Variants in ZNF215 observed in about 807,000 individuals in gnomAD.
The protein encoded by ZNF215 is BWSCR2-associated zinc finger protein 2.
Under a neutral mutation model 27.2 loss-of-function variants are expected in ZNF215, and 24 were observed. That is an observed-to-expected ratio of 0.88 (90% confidence interval 0.64 to 1.24). The LOEUF (loss-of-function observed/expected upper bound fraction) is 1.24. ZNF215 is among the 50% of genes most tolerant of loss of function. The pLI is 0.00. For missense variants in ZNF215, 675 were observed against 605.7 expected, an observed-to-expected ratio of 1.11 and a Z score of -1.20; for synonymous variants, 210 against 204.0, an observed-to-expected ratio of 1.03 and a Z score of -0.25.
intron 5 of ZNF215, among the ~76,000 whole-genome samples, chr11:6,983,928 T>C (rs932770236): frequency 6.6e-6 from 1 of 152,172 alleles, no homozygotes; most frequent in African/African-American, 2.4e-5. Context: ...GCTTATCTAA[T>C]ATTTAAAGAA....
intron 6 of ZNF215, among the ~76,000 whole-genome samples, chr11:6,950,901 C>T (rs868054939): frequency 7.1e-4 from 107 of 151,598 alleles, no homozygotes; most frequent in Non-Finnish European, 1.4e-3. Flanking sequence ...TTTTGAGATA[C>T]GTCCCATCAA....
intron 5 of ZNF215, among the ~76,000 whole-genome samples, chr11:6,974,895 G>T (rs1850798509): frequency 6.6e-6 from 1 of 152,034 alleles, no homozygotes; most frequent in Non-Finnish European, 1.5e-5. Flanking sequence ...TCTTTCTCCT[G>T]CCTGATTGCC....
downstream of ZNF215, among the ~76,000 whole-genome samples, chr11:6,986,892 T>C (rs1851063002): frequency 6.6e-6 from 1 of 152,010 alleles, no homozygotes; most frequent in Non-Finnish European, 1.5e-5. Context: ...CATCTGTTTC[T>C]CTGTTTCCCT....
At chr11:6,942,395 C>A (rs910373483) in intron 4 of ZNF215, among the ~76,000 whole-genome samples, 3 of 152,160 alleles carry the variant, frequency 2.0e-5, no homozygotes, top group Non-Finnish European at 2.9e-5. Flanking sequence ...ATGCCAGATA[C>A]TGTTCTGAGG....
intron 6 of ZNF215, among the ~76,000 whole-genome samples, chr11:6,949,296 T>C (rs1218594224): frequency 1.3e-5 from 2 of 152,208 alleles, no homozygotes; most frequent in African/African-American, 4.8e-5. Flanking sequence ...ATGGTATTTC[T>C]AGTTCAAGAT....
chr11:6,993,077 A>G (rs558193441), downstream of ZNF215, among the ~76,000 whole-genome samples: 3 of 152,344 alleles, frequency 2.0e-5, no homozygotes, highest in African/African-American at 7.2e-5. Flanking sequence ...CTTTTTAAAA[A>G]CAAAGTACTA....
chr11:6,941,545 C>A, intron 3 of ZNF215, 26 bp from the exon 4 acceptor site: 1 of 1,608,922 alleles, frequency 6.2e-7, no homozygotes, highest in South Asian at 1.1e-5. Context: ...ACTTGTCTCC[C>A]TAATATTTTC....
downstream of ZNF215, among the ~76,000 whole-genome samples, chr11:6,985,150 C>T (rs376905871): frequency 4.6e-5 from 7 of 152,154 alleles, no homozygotes; most frequent in Non-Finnish European, 8.8e-5. Context: ...CAATTCTCAA[C>T]AAAATACTAA....
chr11:6,985,676 A>C (rs910157466), downstream of ZNF215, among the ~76,000 whole-genome samples: 1 of 152,170 alleles, frequency 6.6e-6, no homozygotes, highest in African/African-American at 2.4e-5. Context: ...CTTATAAACA[A>C]TTTCAGGAAA....
chr11:6,937,045 C>A (rs1452057858), intron 3 of ZNF215, among the ~76,000 whole-genome samples: 1 of 151,920 alleles, frequency 6.6e-6, no homozygotes, highest in Admixed American at 6.6e-5. Context: ...ACTCTTGCCA[C>A]TTCTATTCAA....
intron 3 of ZNF215, among the ~76,000 whole-genome samples, chr11:6,938,294 A>G (rs1417799778): frequency 6.6e-6 from 1 of 151,952 alleles, no homozygotes; most frequent in Non-Finnish European, 1.5e-5. Context: ...AACAACACCC[A>G]CTAGGATGGC....
chr11:6,983,685 T>G (rs1365423183), intron 5 of ZNF215, among the ~76,000 whole-genome samples: 2 of 152,178 alleles, frequency 1.3e-5, no homozygotes, highest in East Asian at 3.8e-4. Flanking sequence ...CTCAGAGACA[T>G]TGTTTTAAAC....
intron 6 of ZNF215, among the ~76,000 whole-genome samples, chr11:6,948,954 T>C (rs1849934196): frequency 7.1e-6 from 1 of 141,126 alleles, no homozygotes; most frequent in South Asian, 2.3e-4. Flanking sequence ...TGTGTCCATG[T>C]GTTCTCATTG....
chr11:6,989,150 CA>C (rs71056776), downstream of ZNF215, among the ~76,000 whole-genome samples: 6,639 of 76,384 alleles, frequency 0.087, 143 homozygotes, highest in African/African-American at 0.21. Flanking sequence ...AGATCCGTCT[CA>C]AAAAAAAAAA....
intron 4 of ZNF215, 99 bp from the exon 5 acceptor site, chr11:6,942,984 G>A (rs1849680968): frequency 2.0e-6 from 3 of 1,481,378 alleles, no homozygotes; most frequent in Non-Finnish European, 2.7e-6. Flanking sequence ...TCAATTTCTG[G>A]TGTATTCTGG....
At chr11:6,933,873 C>T (rs540233731) in intron 3 of ZNF215, among the ~76,000 whole-genome samples, 6 of 150,790 alleles carry the variant, frequency 4.0e-5, no homozygotes, top group East Asian at 1.9e-4. Context: ...TAAACTATAC[C>T]GTGATAATAC....
chr11:6,946,742 C>T (rs753077376), intron 6 of ZNF215, among the ~76,000 whole-genome samples: 4 of 152,104 alleles, frequency 2.6e-5, no homozygotes, highest in Non-Finnish European at 5.9e-5. Context: ...TTACATGTGT[C>T]TCTGTGAATA....
downstream of ZNF215, among the ~76,000 whole-genome samples, chr11:6,986,764 A>G (rs573246941): frequency 1.3e-5 from 2 of 152,272 alleles, no homozygotes; most frequent in African/African-American, 4.8e-5. Context: ...GCTCATCATC[A>G]CTAACAGAAA....
At chr11:6,986,412 A>C (rs1851054029), downstream of ZNF215, among the ~76,000 whole-genome samples, 1 of 152,176 alleles carries the variant, frequency 6.6e-6, no homozygotes, top group Non-Finnish European at 1.5e-5. Flanking sequence ...ATAAAGCCTC[A>C]AACTACAAAA....
Sources: allele counts gnomAD v4.1 joint callset (sites outside exome capture counted in the v4.1 genomes callset), GRCh38; gene constraint gnomAD v4.1.1; transcripts MANE v1.5; gene names NCBI Gene and HGNC (gene_info 2026-07-23, HGNC 2026-07-21).